VWF: variants seen among roughly 807,000 people sequenced by gnomAD.
VWF encodes von Willebrand factor, also known as Factor VIII related antigen.
Under a neutral mutation model 308.6 loss-of-function variants are expected in VWF, and 176 were observed. That is an observed-to-expected ratio of 0.57 (90% CI 0.50 to 0.65). The LOEUF (loss-of-function observed/expected upper bound fraction) is 0.65, where lower values mean the gene tolerates loss of function less well. Ranked by LOEUF, VWF falls within the 30% of genes least tolerant of loss-of-function variation. The pLI, the probability that VWF is intolerant of heterozygous loss-of-function variation, is 0.00. For synonymous variants in VWF, 1,385 were observed against 1,443.4 expected (o/e 0.96, Z 0.92); for missense variants, 3,146 against 3,648.2 (o/e 0.86, Z 3.55).
chr12:5,954,705 A>G (rs780023350), intron 47 of VWF, among the ~76,000 whole-genome samples: 2 of 152,258 alleles, frequency 1.3e-5, no homozygotes, highest in Non-Finnish European at 1.5e-5. Context: ...TTATACATCT[A>G]TAGGAGAGCC....
chr12:6,072,353 G>A lies in VWF; in HGVS notation c.1087C>T (p.Leu363Phe). ...TACCAGGTGTTGCAGTCTCGAGAGAGGGAGGTGCCGGGAGGGTAGCGCTTT... is the reference window on the plus strand; with the variant it reads ...TACCAGGTGTTGCAGTCTCGAGAGAAGGAGGTGCCGGGAGGGTAGCGCTTT... ...SGKRYPPGTSLSRDCNTCICR... is the reference protein window; with the variant it reads ...SGKRYPPGTSFSRDCNTCICR... The change falls in exon 9 of 52, where the codon CTC becomes TTC. Residue 363 changes from leucine to phenylalanine, a missense_variant. By Grantham distance (22) the Leu-to-Phe change is conservative. This residue lies in a region of VWF where 1,304 missense variants were observed against 1,353.0 expected (regional missense o/e 0.96). Transcript: ENST00000261405. 1 of 1,614,132 alleles carries A rather than the reference G, an allele frequency of 6.2e-7. No individual in the cohort carries two copies. Among genetic ancestry groups the A allele is most frequent in the Non-Finnish European group, 8.5e-7 (1 of 1,180,028 alleles).
At chr12:5,983,006 G>C in intron 41 of VWF, 144 bp downstream of exon 41, 1 of 820,110 alleles carries the variant, frequency 1.2e-6, no homozygotes, top group Non-Finnish European at 2.0e-6. Context: ...TAACCCCTCT[G>C]TTCCAGATGT....
rs557487964 is a variant in VWF, at chr12:5,969,688, C to T, written c.7549-297G>A. 1.1e-4 allele frequency among the ~76,000 whole-genome samples: 17 copies of T among 152,348 alleles called. 1 individual carries two copies. In the East Asian group the frequency reaches 1.7e-3, roughly 16 times the overall value. On this transcript the variant is annotated intron_variant, in intron 44 of 51. Coordinates refer to ENST00000261405, the MANE Select transcript of VWF (RefSeq NM_000552.5). ...TGGTTTGAGCTGAGCTCAGATACTC[C>T]GGCCAAGAAGCAGCACTGTGGGCCA...
intron 18 of VWF, among the ~76,000 whole-genome samples, chr12:6,043,657 C>T (rs1016360168): frequency 5.9e-5 from 9 of 152,234 alleles, no homozygotes; most frequent in African/African-American, 2.2e-4. Flanking sequence ...AGCAGAACAT[C>T]CACATAGGAG....
chr12:6,031,356 G>C, intron 21 of VWF, 88 bp downstream of exon 21: 1 of 1,603,506 alleles, frequency 6.2e-7, no homozygotes. Flanking sequence ...CCATTCACAC[G>C]AGCTCTAAAT....
chr12:6,103,408 ATACACACGTGTGTG>A (rs1433678487), intron 5 of VWF, among the ~76,000 whole-genome samples: 6,748 of 122,156 alleles, frequency 0.055, 1,165 homozygotes, highest in African/African-American at 0.27. Context: ...ACGTGTGTGT[ATACACACGTGTGTG>A]TATACACACG....
intron 5 of VWF, among the ~76,000 whole-genome samples, chr12:6,097,787 TG>T (rs1382772360): frequency 6.6e-6 from 1 of 152,254 alleles, no homozygotes; most frequent in Non-Finnish European, 1.5e-5. Context: ...AACTTAAATT[TG>T]TGGCATGTTG....
chr12:5,987,057 A>G (rs1035519633), intron 38 of VWF, among the ~76,000 whole-genome samples: 21 of 152,102 alleles, frequency 1.4e-4, no homozygotes, highest in African/African-American at 4.3e-4. Context: ...CCTCCCAAAT[A>G]GTTGGGACTA....
chr12:5,977,854 A>G (rs1279238311), intron 42 of VWF, among the ~76,000 whole-genome samples: 1 of 150,174 alleles, frequency 6.7e-6, no homozygotes, highest in Non-Finnish European at 1.5e-5. Flanking sequence ...TGGGTGACAG[A>G]GCAAGACCCT....
At chr12:6,077,226 C>T (rs1313124362) in intron 6 of VWF, among the ~76,000 whole-genome samples, 2 of 152,206 alleles carry the variant, frequency 1.3e-5, no homozygotes, top group Non-Finnish European at 2.9e-5. Flanking sequence ...AAGAGAATTG[C>T]TTGAACGGCG....
At chr12:5,998,499 A>ATT (rs1943836279) in intron 34 of VWF, among the ~76,000 whole-genome samples, 1 of 17,146 alleles carries the variant, frequency 5.8e-5, no homozygotes, top group Non-Finnish European at 9.6e-5. Context: ...AAAAAAAAAA[A>ATT]TATATATATA....
intron 13 of VWF, among the ~76,000 whole-genome samples, chr12:6,059,873 A>G (rs1434752788): frequency 6.6e-6 from 1 of 152,226 alleles, no homozygotes; most frequent in Admixed American, 6.5e-5. Flanking sequence ...CTGGAATGCA[A>G]TGCCCGCAGT....
At chr12:6,015,166 T>C (rs959080527) in intron 31 of VWF, among the ~76,000 whole-genome samples, 2 of 152,204 alleles carry the variant, frequency 1.3e-5, no homozygotes, top group African/African-American at 2.4e-5. Context: ...GTCACATTCA[T>C]TCACTCAACA....
chr12:6,115,640 T>C (rs953984688), intron 3 of VWF, among the ~76,000 whole-genome samples: 2 of 152,222 alleles, frequency 1.3e-5, no homozygotes, highest in African/African-American at 4.8e-5. Flanking sequence ...AAAACAATGA[T>C]CTAGGCTGAC....
rs1379662568 is a variant in VWF at position 6,046,061 on chromosome 12, A to G, written c.2281+662T>C. ...AACATGGCAAAACCCCGTCTCTACT[A>G]AAAATACAAAAAATTAGCCAGGTGT... On this transcript the variant is annotated intron_variant, in intron 17 of 51. Coordinates refer to ENST00000261405, the MANE Select transcript of VWF (RefSeq NM_000552.5). This position sits in a 1 kb window ranked among gnomAD's most constrained non-coding sequence, Gnocchi z 5.0. 6.6e-6 allele frequency among the ~76,000 whole-genome samples: 1 copy of G among 152,134 alleles called. No individual in the cohort carries two copies. The highest frequency in any genetic ancestry group is 1.5e-5 in the Non-Finnish European group (1 of 68,016).
chr12:5,953,734 A>G (rs1943219809), intron 47 of VWF, 140 bp from the exon 48 acceptor site: 1 of 717,112 alleles, frequency 1.4e-6, no homozygotes, highest in Non-Finnish European at 2.5e-6. Context: ...TCCAACTCCA[A>G]CCAGCTTTTG....
chr12:6,108,350 C>T (rs1267850629), intron 5 of VWF, among the ~76,000 whole-genome samples: 7 of 148,348 alleles, frequency 4.7e-5, no homozygotes, highest in African/African-American at 1.7e-4. Context: ...CACACACACA[C>T]ACACACACAC....
intron 34 of VWF, among the ~76,000 whole-genome samples, chr12:5,998,782 C>T (rs564639622): frequency 7.2e-5 from 11 of 152,010 alleles, no homozygotes; most frequent in Non-Finnish European, 1.2e-4. Flanking sequence ...GGCCAGAGCG[C>T]AATGGCGCGA....
chr12:6,044,326 C>G lies in VWF; in HGVS notation c.2407G>C (p.Gly803Arg). 1 of 1,614,210 alleles carries G rather than the reference C, an allele frequency of 6.2e-7. No individual in the cohort carries two copies. Reference protein sequence around the residue: ...QNYDLECMSMGCVSGCLCPPG... With the variant: ...QNYDLECMSMRCVSGCLCPPG... The stretch of plus-strand genomic sequence containing the variant: ...GGGCAGAGGCAGCCAGAGACACAGC[C>G]CATGCTCATGCACTCCAGGTCATAG... Residue 803 changes from glycine (G) to arginine (R), a missense_variant, in exon 18 of 52, where the codon GGC becomes CGC. Around this residue, in one of 3 missense-constraint regions of VWF, gnomAD observed 1,304 missense variants for 1,353.0 expected, o/e 0.96. Coordinates refer to ENST00000261405, the MANE Select transcript of VWF (RefSeq NM_000552.5).
Sources: gnomAD v4.1 joint callset for allele counts (sites outside exome capture counted in the v4.1 genomes callset) on GRCh38, gnomAD v4.1.1 for gene constraint, gnomAD v4.1.1 regional missense constraint, Gnocchi (gnomAD v3.1) non-coding constraint, MANE v1.5 for transcripts, NCBI Gene and HGNC (gene_info 2026-07-23, HGNC 2026-07-21) for gene names.